ST3GAL3: variants seen among roughly 807,000 people sequenced by gnomAD.
ST3GAL3 encodes CMP-N-acetylneuraminate-beta-1,4-galactoside alpha-2,3-sialyltransferase.
In ST3GAL3, 21 loss-of-function variants were observed where a neutral mutation model predicts 50.1. The ratio of observed to expected loss-of-function variants is 0.42; its 90% CI spans 0.30 to 0.60. ST3GAL3 has a LOEUF of 0.60. ST3GAL3 is among the 20% of genes least tolerant of loss of function. ST3GAL3 has a pLI of 0.19. For missense variants in ST3GAL3, 353 were observed against 489.4 expected (o/e 0.72, Z 2.63); for synonymous variants, 183 against 190.0 (o/e 0.96, Z 0.30).
chr1:43,929,006 C>A (rs917837195), intron 11 of ST3GAL3, among the ~76,000 whole-genome samples: 6 of 152,158 alleles, frequency 3.9e-5, no homozygotes, highest in African/African-American at 1.4e-4. Flanking sequence ...TCTGATAAGG[C>A]TGCTGTCATT....
rs1233848455 is a variant in ST3GAL3, at chr1:43,877,516, TA to T, written c.303-16866del. ...GAAGAAAAGACAGATGGAATAGGTT[TA>T]GGGGAAGATAATGGGCTCCTTTTTT... On this transcript the variant is annotated intron_variant, in intron 5 of 11. Coordinates refer to ENST00000347631, the MANE Select transcript of ST3GAL3 (RefSeq NM_006279.5). Among the ~76,000 whole-genome samples, 3 of 152,090 alleles carry T rather than the reference TA, an allele frequency of 2.0e-5. No homozygotes were observed. In the East Asian group the frequency reaches 5.8e-4, roughly 29 times the overall value.
chr1:43,834,888 A>T (rs2064078780), intron 4 of ST3GAL3, among the ~76,000 whole-genome samples: 1 of 152,186 alleles, frequency 6.6e-6, no homozygotes, highest in Non-Finnish European at 1.5e-5. Context: ...GTCCTCTGTG[A>T]CAGTTTCTGA....
intron 1 of ST3GAL3, among the ~76,000 whole-genome samples, chr1:43,714,912 C>T (rs1666619055): frequency 6.6e-6 from 1 of 152,176 alleles, no homozygotes; most frequent in Admixed American, 6.5e-5. Context: ...CCTCTCTCAA[C>T]TCCTGTAGAA....
At chr1:43,830,623 A>G (rs2063416401) in intron 4 of ST3GAL3, among the ~76,000 whole-genome samples, 1 of 152,218 alleles carries the variant, frequency 6.6e-6, no homozygotes, top group African/African-American at 2.4e-5. Flanking sequence ...GGACCTATAG[A>G]AGAATTGAAC....
At chr1:43,840,935 A>G (rs920422841) in intron 5 of ST3GAL3, 2 of 152,230 alleles carry the variant, frequency 1.3e-5, no homozygotes, top group African/African-American at 4.8e-5. Context: ...CCATTCCAAA[A>G]AGGGGTAATC....
Position 43,831,465 on chromosome 1 carries a change from A to G in ST3GAL3, c.210-6754A>G, listed in dbSNP as rs79677497. Among the ~76,000 whole-genome samples the G allele has an allele frequency of 9.6e-3, 1,456 of 152,368 alleles. 21 individuals carry two copies. The highest frequency in any genetic ancestry group is 0.033 in the African/African-American group (1,393 of 41,590). On this transcript the variant is annotated intron_variant, in intron 4 of 11. Coordinates refer to ENST00000347631, the MANE Select transcript of ST3GAL3 (RefSeq NM_006279.5). ...CATATGAAAATTCCTTTTGCTACCC[A>G]GACACCACCAACTCTTTCTGTTCAG... is the stretch of plus-strand genomic sequence containing the variant.
At chr1:43,711,045 A>T (rs955305813) in intron 1 of ST3GAL3, among the ~76,000 whole-genome samples, 2 of 152,240 alleles carry the variant, frequency 1.3e-5, no homozygotes, top group African/African-American at 4.8e-5. Flanking sequence ...CTTTATCCAA[A>T]CAAAATGTTT....
Position 43,819,979 on chromosome 1 carries a change from A to G in ST3GAL3, c.209+5046A>G, listed in dbSNP as rs375198899. ...AAAACCATTCTAAAATGTATACGAA[A>G]CCAAAAAAGAGGCAGAATAGCCAAA... On this transcript the variant is annotated intron_variant, in intron 4 of 11. Transcript: ENST00000347631. Among the ~76,000 whole-genome samples, 112 of 152,320 alleles carry G rather than the reference A, an allele frequency of 7.4e-4. 5 individuals are homozygous for G. In the South Asian group the frequency reaches 0.023, roughly 31 times the overall value.
At chr1:43,843,522 CT>C in intron 5 of ST3GAL3, among the ~76,000 whole-genome samples, 1 of 152,026 alleles carries the variant, frequency 6.6e-6, no homozygotes, top group Non-Finnish European at 1.5e-5. Flanking sequence ...ATTTTTGTGT[CT>C]TTGGTCATGA....
chr1:43,902,384 A>G (rs1289950558), intron 9 of ST3GAL3, among the ~76,000 whole-genome samples: 3 of 152,190 alleles, frequency 2.0e-5, no homozygotes, highest in African/African-American at 7.2e-5. Context: ...TCTAGTACCC[A>G]GGAGTCCTCA....
chr1:43,788,988 C>A (rs1332370008), intron 2 of ST3GAL3, among the ~76,000 whole-genome samples: 1 of 150,494 alleles, frequency 6.6e-6, no homozygotes, highest in African/African-American at 2.4e-5. Flanking sequence ...ATGTGTTCAA[C>A]GTCTGAAGAC....
At chr1:43,741,515 C>T (rs1022011398) in intron 2 of ST3GAL3, among the ~76,000 whole-genome samples, 4 of 152,072 alleles carry the variant, frequency 2.6e-5, no homozygotes, top group Non-Finnish European at 5.9e-5. Context: ...GGCACAAAAG[C>T]GGAAGTTGGA....
chr1:43,769,072 A>G (rs1333098011), intron 2 of ST3GAL3, among the ~76,000 whole-genome samples: 4 of 152,262 alleles, frequency 2.6e-5, no homozygotes, highest in African/African-American at 4.8e-5. Context: ...GGCTTATCCT[A>G]ATATACATGG....
chr1:43,884,008 A>G (rs372099962), intron 5 of ST3GAL3, among the ~76,000 whole-genome samples: 1 of 152,342 alleles, frequency 6.6e-6, no homozygotes, highest in East Asian at 1.9e-4. Context: ...ATGTGGACAT[A>G]TATTACATAT....
At chr1:43,819,779 C>T (rs999316025) in intron 4 of ST3GAL3, among the ~76,000 whole-genome samples, 1 of 152,118 alleles carries the variant, frequency 6.6e-6, no homozygotes, top group African/African-American at 2.4e-5. Flanking sequence ...ACTCCCCACT[C>T]CCCCCTCTAG....
intron 3 of ST3GAL3, among the ~76,000 whole-genome samples, chr1:43,794,547 A>G (rs1026967286): frequency 3.9e-5 from 6 of 152,182 alleles, no homozygotes; most frequent in Non-Finnish European, 5.9e-5. Flanking sequence ...TGACTTAGCA[A>G]TTCCTCCTCT....
chr1:43,922,804 G>A (rs570140573), intron 11 of ST3GAL3, among the ~76,000 whole-genome samples: 2,687 of 110,572 alleles, frequency 0.024, no homozygotes, highest in African/African-American at 0.034. Context: ...TCTCAAAAAA[G>A]AAAAAAAAAA....
chr1:43,861,855 C>G (rs887500830), intron 5 of ST3GAL3, among the ~76,000 whole-genome samples: 8 of 152,204 alleles, frequency 5.3e-5, no homozygotes, highest in Admixed American at 2.6e-4. Context: ...ATGGAGAAAC[C>G]CCGTCTCTAC....
chr1:43,830,599 CTATCT>C (rs2063413681), intron 4 of ST3GAL3, among the ~76,000 whole-genome samples: 1 of 152,180 alleles, frequency 6.6e-6, no homozygotes, highest in Admixed American at 6.5e-5. Flanking sequence ...ATAGTGACCT[CTATCT>C]TATACTGGGG....
Sources: allele counts gnomAD v4.1 joint callset (sites outside exome capture counted in the v4.1 genomes callset), GRCh38; gene constraint gnomAD v4.1.1; transcripts MANE v1.5; gene names NCBI Gene and HGNC (gene_info 2026-07-23, HGNC 2026-07-21).